ATP1A2: variants seen among roughly 807,000 people sequenced by gnomAD.
The protein encoded by ATP1A2 is sodium/potassium-transporting ATPase subunit alpha-2.
In ATP1A2, 56 loss-of-function variants were observed where a neutral mutation model predicts 113.1. The ratio of observed to expected loss-of-function variants is 0.49; its 90% CI spans 0.40 to 0.62. The LOEUF is 0.62. Ranked by LOEUF, ATP1A2 falls within the 20% of genes least tolerant of loss-of-function variation. ATP1A2 has a pLI of 0.00. For synonymous variants in ATP1A2, 490 were observed against 526.8 expected, an observed-to-expected ratio of 0.93 and a Z score of 0.96; for missense variants, 712 against 1,357.8, an observed-to-expected ratio of 0.52 and a Z score of 7.47.
At chr1:160,122,380 C>A (rs968696546) in intron 3 of ATP1A2, among the ~76,000 whole-genome samples, 1 of 149,776 alleles carries the variant, frequency 6.7e-6, no homozygotes, top group African/African-American at 2.5e-5. Flanking sequence ...GACAATTGTG[C>A]CTGGCACTGG....
rs1651972956 is a variant in ATP1A2 at position 160,136,936 on chromosome 1, C to T, written c.2745C>T (p.Cys915=). 11 of 1,614,148 alleles carry T rather than the reference C, an allele frequency of 6.8e-6. No homozygotes were observed. The highest frequency in any genetic ancestry group is 9.3e-6 in the Non-Finnish European group (11 of 1,180,012). ...YEQRKVVEFT[C]HTAFFASIVV... is the part of the protein sequence containing the mutation. ...AGCGGAAGGTGGTGGAGTTCACGTG[C>T]CACACGGCATTCTTTGCCAGCATCG... The change falls in exon 20 of 23, where the codon TGC becomes TGT. Residue 915 remains cysteine, a synonymous_variant. Transcript: ENST00000361216.
chr1:160,132,333 C>T (rs1651800143), intron 13 of ATP1A2, among the ~76,000 whole-genome samples: 1 of 152,026 alleles, frequency 6.6e-6, no homozygotes, highest in African/African-American at 2.4e-5. Context: ...TCCTGCAGGC[C>T]ACAGAGAGCC....
chr1:160,138,834 A>C (rs1184644394), intron 20 of ATP1A2, among the ~76,000 whole-genome samples: 1 of 152,004 alleles, frequency 6.6e-6, no homozygotes, highest in Non-Finnish European at 1.5e-5. Context: ...TGTCTCAGAA[A>C]AAAAAAGTGG....
chr1:160,127,895 G>A lies in ATP1A2; in HGVS notation c.1017+75G>A, dbSNP rs1018534929. 3 of 1,513,286 alleles carry A rather than the reference G, an allele frequency of 2.0e-6. No homozygotes were observed. In the African/African-American group the frequency reaches 4.2e-5, roughly 21 times the overall value. The allele number at this position is 1,513,286 out of a possible 1,614,324, so 93.7% of individuals were successfully genotyped here. On this transcript the variant is annotated intron_variant, in intron 8 of 22. Coordinates refer to ENST00000361216, the MANE Select transcript of ATP1A2 (RefSeq NM_000702.4). ...TCCTCAGAGTGATAGAGGCACAGTT[G>A]CTTGTAGCTTCTCACTACTTTTTCC...
chr1:160,140,070 C>G, intron 22 of ATP1A2, 86 bp downstream of exon 22: 1 of 1,332,540 alleles, frequency 7.5e-7, no homozygotes, highest in African/African-American at 1.4e-5. Context: ...TCCACTCCCA[C>G]TACTGGTTCC....
At position 160,139,657 on chromosome 1, in the gene ATP1A2, T is replaced by C; in HGVS notation, c.2858T>C (p.Phe953Ser). The C allele has an allele frequency of 6.2e-7, 1 of 1,614,228 alleles. No individual in the cohort carries two copies. Among genetic ancestry groups the C allele is most frequent in the South Asian group, 1.1e-5 (1 of 91,088 alleles). ...QQGMKNKILI[F>S]GLLEETALAA... ...CCTTTCAGGAACAAGATCCTGATTTTTGGGCTCCTGGAGGAGACGGCGTTG... is the reference window on the plus strand; with the variant it reads ...CCTTTCAGGAACAAGATCCTGATTTCTGGGCTCCTGGAGGAGACGGCGTTG... Residue 953 changes from phenylalanine to serine, a missense_variant, in exon 21 of 23, where the codon TTT becomes TCT. Physicochemically the swap from Phe to Ser is radical, Grantham distance 155. Around this residue, in one of 6 missense-constraint regions of ATP1A2, gnomAD observed 188 missense variants for 438.9 expected, o/e 0.43. Coordinates refer to ENST00000361216, the MANE Select transcript of ATP1A2 (RefSeq NM_000702.4).
chr1:160,125,372 G>A (rs935895064), intron 7 of ATP1A2, 119 bp downstream of exon 7: 10 of 934,422 alleles, frequency 1.1e-5, no homozygotes, highest in Admixed American at 1.9e-5. Flanking sequence ...GCAATTGAGG[G>A]GTCAGGGGGC....
At chr1:160,124,825 G>C (rs1291961604) in intron 6 of ATP1A2, among the ~76,000 whole-genome samples, 1 of 152,198 alleles carries the variant, frequency 6.6e-6, no homozygotes, top group East Asian at 1.9e-4. Context: ...CATAACTACA[G>C]TGTTAGTGTC....
rs1469352840 is a variant in ATP1A2, at chr1:160,115,851, T to G, written c.-11T>G. 6.3e-7 allele frequency: 1 copy of G among 1,598,216 alleles called. No individual in the cohort carries two copies. Among genetic ancestry groups the G allele is most frequent in the South Asian group, 1.1e-5 (1 of 87,774 alleles). On this transcript the variant is annotated 5_prime_UTR_variant, in exon 1 of 23. Transcript: ENST00000361216. ...TCTCCCGCTAAGGTCCCTCAGCCAC[T>G]CTGCCCCAAGATGGGCCGTGGGGTG...
Position 160,139,904 on chromosome 1 carries a change from G to A in ATP1A2, c.2954G>A (p.Trp985Ter). The change falls in exon 22 of 23, where the codon TGG becomes TAG. Residue 985 changes from tryptophan to a stop codon, truncating the protein, a stop_gained. Transcript: ENST00000361216. LOFTEE classifies it high-confidence loss of function. ...TCCATTGCTTTCAGAGTCACCTGGTGGTTCTGCGCCTTCCCCTACAGCCTC... is the reference window on the plus strand; with the variant it reads ...TCCATTGCTTTCAGAGTCACCTGGTAGTTCTGCGCCTTCCCCTACAGCCTC... The part of the protein sequence containing the change: ...LRMYPLKVTW[W>*]FCAFPYSLLI... 1 of 1,614,108 alleles carries A rather than the reference G, an allele frequency of 6.2e-7. No individual in the cohort carries two copies. The highest frequency in any genetic ancestry group is 8.5e-7 in the Non-Finnish European group (1 of 1,180,018).
intron 3 of ATP1A2, 133 bp from the exon 4 acceptor site, chr1:160,123,080 C>A: frequency 9.9e-7 from 1 of 1,013,800 alleles, no homozygotes; most frequent in Non-Finnish European, 1.5e-6. Context: ...CCTGATGGTC[C>A]CCCACCCCTT....
intron 1 of ATP1A2, among the ~76,000 whole-genome samples, chr1:160,117,695 T>G (rs959705407): frequency 1.3e-5 from 2 of 152,180 alleles, no homozygotes; most frequent in Admixed American, 1.3e-4. Flanking sequence ...GCATCTCCAC[T>G]GCAGAGGCAG....
intron 7 of ATP1A2, 43 bp from the exon 8 acceptor site, chr1:160,127,508 TG>T (rs751136581): frequency 3.1e-6 from 5 of 1,613,068 alleles, no homozygotes; most frequent in Non-Finnish European, 4.2e-6. Context: ...CTGCAGTCCC[TG>T]GGAGCCACAA....
chr1:160,123,440 G>A, intron 4 of ATP1A2, 24 bp downstream of exon 4: 1 of 1,614,006 alleles, frequency 6.2e-7, no homozygotes, highest in South Asian at 1.1e-5. Context: ...CCCGACCCGG[G>A]AACAGCCCGT....
chr1:160,123,496 G>C (rs1651486811), intron 4 of ATP1A2, 80 bp downstream of exon 4: 3 of 1,568,694 alleles, frequency 1.9e-6, no homozygotes, highest in South Asian at 1.1e-5. Flanking sequence ...GGGGTGGGCA[G>C]GGAACAAGGC....
intron 13 of ATP1A2, 42 bp from the exon 14 acceptor site, chr1:160,134,442 C>A: frequency 6.2e-7 from 1 of 1,613,920 alleles, no homozygotes; most frequent in South Asian, 1.1e-5. Context: ...GGGGATAAAC[C>A]CTTAATACTA....
intron 1 of ATP1A2, among the ~76,000 whole-genome samples, chr1:160,120,597 A>G (rs1377021585): frequency 6.6e-6 from 1 of 152,154 alleles, no homozygotes; most frequent in Non-Finnish European, 1.5e-5. Context: ...TTTGTTTTGT[A>G]TTTAGCAGCA....
Position 160,127,422 on chromosome 1 carries a change from G to A in ATP1A2, c.749-130G>A, listed in dbSNP as rs1462241030. 2.3e-6 allele frequency: 3 copies of A among 1,309,622 alleles called. No homozygotes were observed. The African/African-American group carries it at 4.4e-5, about 19-fold the overall frequency. The allele number at this position is 1,309,622 out of a possible 1,614,324, so 81.1% of individuals were successfully genotyped here. On this transcript the variant is annotated intron_variant, in intron 7 of 22. Coordinates refer to ENST00000361216, the MANE Select transcript of ATP1A2 (RefSeq NM_000702.4). ...GAAGGCCAAGTGGGGACAACCTACT[G>A]AATGTGGCCTCCAGATCTGCGGCTT...
intron 1 of ATP1A2, among the ~76,000 whole-genome samples, chr1:160,117,231 A>G (rs1651215352): frequency 1.3e-5 from 2 of 152,124 alleles, no homozygotes; most frequent in South Asian, 4.1e-4. Context: ...GCATCTTGAC[A>G]TCTCTGGCTC....
Sources: gnomAD v4.1 joint callset for allele counts (sites outside exome capture counted in the v4.1 genomes callset) on GRCh38, gnomAD v4.1.1 for gene constraint, gnomAD v4.1.1 regional missense constraint, MANE v1.5 for transcripts, NCBI Gene and HGNC (gene_info 2026-07-23, HGNC 2026-07-21) for gene names.